SLC18A2: variants seen among roughly 807,000 people sequenced by gnomAD.
The protein encoded by SLC18A2 is synaptic vesicular amine transporter.
Under a neutral mutation model 59.2 loss-of-function variants are expected in SLC18A2, and 33 were observed. The observed-to-expected ratio is 0.56, with a 90% CI of 0.42 to 0.75. SLC18A2 has a LOEUF of 0.75. Among genes scored for constraint, SLC18A2 ranks in the 30% least tolerant of loss-of-function variants. The pLI, the probability that SLC18A2 is intolerant of heterozygous loss-of-function variation, is 0.00. For missense variants in SLC18A2, 569 were observed against 668.6 expected (o/e 0.85, Z 1.64); for synonymous variants, 228 against 253.5 (o/e 0.90, Z 0.95).
intron 10 of SLC18A2, among the ~76,000 whole-genome samples, chr10:117,259,425 T>A (rs73389865): frequency 0.034 from 5,245 of 152,242 alleles, 291 homozygotes; most frequent in African/African-American, 0.12. Flanking sequence ...CACCCCAGCA[T>A]CTTCTGTGCC....
At chr10:117,253,232 T>C (rs1014392483) in intron 3 of SLC18A2, among the ~76,000 whole-genome samples, 167 bp from the exon 4 acceptor site, 1 of 152,076 alleles carries the variant, frequency 6.6e-6, no homozygotes, top group Non-Finnish European at 1.5e-5. Context: ...TCCAAGACAG[T>C]CAAACACAAA....
chr10:117,271,516 C>T (rs1424865302), intron 15 of SLC18A2, among the ~76,000 whole-genome samples: 1 of 152,168 alleles, frequency 6.6e-6, no homozygotes, highest in Non-Finnish European at 1.5e-5. Context: ...TAAAATATAT[C>T]AAGCACTGGG....
At chr10:117,256,634 C>G (rs531458271) in intron 9 of SLC18A2, among the ~76,000 whole-genome samples, 1 of 152,268 alleles carries the variant, frequency 6.6e-6, no homozygotes, top group African/African-American at 2.4e-5. Flanking sequence ...AGGTATGTAA[C>G]CCTGGCCAAG....
At chr10:117,274,076 T>A (rs986419406) in intron 15 of SLC18A2, among the ~76,000 whole-genome samples, 1 of 152,230 alleles carries the variant, frequency 6.6e-6, no homozygotes, top group African/African-American at 2.4e-5. Context: ...CCCGGGCACC[T>A]GACTGACCTG....
At chr10:117,274,184 G>T (rs1299616630) in intron 15 of SLC18A2, among the ~76,000 whole-genome samples, 1 of 152,092 alleles carries the variant, frequency 6.6e-6, no homozygotes, top group Non-Finnish European at 1.5e-5. Flanking sequence ...TACAATTATT[G>T]CACAATAGAT....
At chr10:117,253,147 A>G (rs1384593038) in intron 3 of SLC18A2, among the ~76,000 whole-genome samples, 1 of 152,198 alleles carries the variant, frequency 6.6e-6, no homozygotes, top group Non-Finnish European at 1.5e-5. Flanking sequence ...GTTCTGGGTT[A>G]CTTGCCAATA....
chr10:117,255,579 G>T lies in SLC18A2; in HGVS notation c.835-18G>T. The T allele has an allele frequency of 6.2e-7, 1 of 1,614,054 alleles. No homozygotes were observed. The highest frequency in any genetic ancestry group is 8.5e-7 in the Non-Finnish European group (1 of 1,179,986). On this transcript the variant is annotated intron_variant, in intron 8 of 15. Transcript: ENST00000644641. Reference sequence around the variant, plus strand: ...GGGGGCATGGTGCTGCTTCTGACCCGTGTTTTTTTCTTGACAGAGTCAGAA... The same window carrying T: ...GGGGGCATGGTGCTGCTTCTGACCCTTGTTTTTTTCTTGACAGAGTCAGAA...
intron 3 of SLC18A2, 83 bp from the exon 4 acceptor site, chr10:117,253,316 A>G: frequency 1.0e-6 from 1 of 996,862 alleles, no homozygotes; most frequent in Non-Finnish European, 1.6e-6. Context: ...CTGATCCCAA[A>G]GGGTAGCCAG....
In SLC18A2 at chr10:117,253,471, G is replaced by A; in HGVS notation, c.523+14G>A. The A allele has an allele frequency of 6.3e-7, 1 of 1,588,860 alleles. No individual in the cohort carries two copies. Among genetic ancestry groups the A allele is most frequent in the South Asian group, 1.1e-5 (1 of 90,736 alleles). On this transcript the variant is annotated intron_variant, in intron 4 of 15. Coordinates refer to ENST00000644641, the MANE Select transcript of SLC18A2 (RefSeq NM_003054.6). ...TCTCAACAATTAGTAAGTGTGTGGT[G>A]TTTTCCTTCTGAGTGTGGGTCTCAT...
At chr10:117,253,594 C>T (rs1229788134) in intron 4 of SLC18A2, 137 bp downstream of exon 4, 4 of 575,036 alleles carry the variant, frequency 7.0e-6, no homozygotes, top group East Asian at 3.3e-5. Context: ...GCCTGTAATC[C>T]GAGCACTTTG....
chr10:117,276,493 A>G (rs1844492629), intron 15 of SLC18A2, among the ~76,000 whole-genome samples: 2 of 151,622 alleles, frequency 1.3e-5, no homozygotes, highest in Non-Finnish European at 2.9e-5. Context: ...GCACACCTGT[A>G]ATATCAGCTA....
intron 3 of SLC18A2, among the ~76,000 whole-genome samples, chr10:117,245,907 T>C (rs1309200753): frequency 6.6e-6 from 1 of 152,208 alleles, no homozygotes; most frequent in Non-Finnish European, 1.5e-5. Context: ...TCTCAAGCCA[T>C]GTCCAGCCCT....
At chr10:117,274,748 T>C (rs186811841) in intron 15 of SLC18A2, among the ~76,000 whole-genome samples, 29 of 152,214 alleles carry the variant, frequency 1.9e-4, no homozygotes, top group Non-Finnish European at 3.2e-4. Context: ...CCCGCCTCTA[T>C]AGGATAGCGT....
At chr10:117,274,893 C>T (rs1402328150) in intron 15 of SLC18A2, among the ~76,000 whole-genome samples, 2 of 152,102 alleles carry the variant, frequency 1.3e-5, no homozygotes, top group African/African-American at 4.8e-5. Context: ...GTAGGTGTCC[C>T]GTCAGCTGTT....
intron 15 of SLC18A2, among the ~76,000 whole-genome samples, chr10:117,276,630 A>AAAAAAAAGAAAG (rs1445853665): frequency 2.7e-4 from 6 of 22,302 alleles, no homozygotes; most frequent in Non-Finnish European, 5.5e-4. Context: ...AAAAAAAAAA[A>AAAAAAAAGAAAG]AAAGAAAGAA....
At chr10:117,257,414 C>G (rs1844242935) in intron 9 of SLC18A2, among the ~76,000 whole-genome samples, 1 of 152,092 alleles carries the variant, frequency 6.6e-6, no homozygotes, top group African/African-American at 2.4e-5. Context: ...ATGCGAGAGC[C>G]TCAGGCTGCC....
chr10:117,247,441 G>T (rs1025279253), intron 3 of SLC18A2, among the ~76,000 whole-genome samples: 14 of 152,258 alleles, frequency 9.2e-5, no homozygotes, highest in African/African-American at 2.4e-4. Flanking sequence ...CACATGTTCC[G>T]ACTGTCCCAT....
intron 4 of SLC18A2, among the ~76,000 whole-genome samples, chr10:117,253,808 T>C (rs1393396290): frequency 6.6e-6 from 1 of 152,178 alleles, no homozygotes; most frequent in African/African-American, 2.4e-5. Flanking sequence ...ATTGCACCAC[T>C]GCACTGCAGC....
intron 10 of SLC18A2, among the ~76,000 whole-genome samples, chr10:117,261,195 AAAAAC>A (rs140069884): frequency 5.5e-4 from 22 of 40,032 alleles, no homozygotes; most frequent in East Asian, 2.2e-3. Context: ...CTGTCTCTAC[AAAAAC>A]AAAACAAAAC....
Sources: gnomAD v4.1 joint callset for allele counts (sites outside exome capture counted in the v4.1 genomes callset) on GRCh38, gnomAD v4.1.1 for gene constraint, MANE v1.5 for transcripts, NCBI Gene and HGNC (gene_info 2026-07-23, HGNC 2026-07-21) for gene names.